The following TTC8 variants were observed in gnomAD, a reference collection of about 807,000 sequenced individuals.
The protein encoded by TTC8 is tetratricopeptide repeat protein 8.
TTC8 carries 47 observed loss-of-function variants against 72.5 expected under a neutral mutation model. The ratio of observed to expected loss-of-function variants is 0.65; its 90% CI spans 0.51 to 0.83. The LOEUF (loss-of-function observed/expected upper bound fraction) is 0.83, where lower values mean the gene tolerates loss of function less well. Among genes scored for constraint, TTC8 ranks in the 40% least tolerant of loss-of-function variants. The probability of loss-of-function intolerance (pLI) is 0.00; values close to 1 mark genes in which losing one functional copy is unlikely to be tolerated. For missense variants in TTC8, 611 were observed against 623.2 expected, an observed-to-expected ratio of 0.98 and a Z score of 0.21; for synonymous variants, 199 against 221.4, an observed-to-expected ratio of 0.90 and a Z score of 0.90.
chr14:88,841,405 C>G lies in TTC8; in HGVS notation c.490-20C>G, dbSNP rs1359225359. 6.2e-7 allele frequency: 1 copy of G among 1,610,792 alleles called. No homozygotes were observed. Among genetic ancestry groups the G allele is most frequent in the Non-Finnish European group, 8.5e-7 (1 of 1,177,300 alleles). On this transcript the variant is annotated intron_variant, in intron 5 of 14. Transcript: ENST00000380656. ...AAGAGAAAGTTTCAGATCTCTTGGT[C>G]TATTGTTTTTCCTCTGTAGGCTTCC...
At chr14:88,848,734 A>C (rs1349887604) in intron 7 of TTC8, among the ~76,000 whole-genome samples, 1 of 152,188 alleles carries the variant, frequency 6.6e-6, no homozygotes, top group Non-Finnish European at 1.5e-5. Context: ...ATAACTCTAA[A>C]AATATGCATT....
intron 1 of TTC8, among the ~76,000 whole-genome samples, chr14:88,828,050 G>A (rs1385657289): frequency 6.6e-6 from 1 of 152,162 alleles, no homozygotes; most frequent in Non-Finnish European, 1.5e-5. Context: ...GAAGGTCGTC[G>A]TAGTTGCTTG....
chr14:88,863,740 A>G (rs1030634112), intron 10 of TTC8, among the ~76,000 whole-genome samples: 1 of 152,242 alleles, frequency 6.6e-6, no homozygotes, highest in Non-Finnish European at 1.5e-5. Flanking sequence ...ATTCCTACGT[A>G]TAAGTATGAA....
intron 2 of TTC8, chr14:88,834,028 G>A: frequency 2.5e-6 from 1 of 398,408 alleles, no homozygotes; most frequent in South Asian, 2.6e-5. Context: ...GGGAACCAAG[G>A]GCTTAGAAAG....
intron 2 of TTC8, 62 bp from the exon 3 acceptor site, chr14:88,839,390 A>G (rs1330608176): frequency 2.6e-6 from 4 of 1,547,496 alleles, no homozygotes; most frequent in South Asian, 2.3e-5. Flanking sequence ...GGCTATTTCT[A>G]TAAGCTGTGT....
intron 8 of TTC8, among the ~76,000 whole-genome samples, chr14:88,855,357 G>A (rs550914513): frequency 6.6e-6 from 1 of 152,310 alleles, no homozygotes; most frequent in African/African-American, 2.4e-5. Context: ...AAGTTGGAGA[G>A]AAAAAGTTGG....
At chr14:88,854,966 C>T (rs1335746570) in intron 8 of TTC8, among the ~76,000 whole-genome samples, 1 of 152,186 alleles carries the variant, frequency 6.6e-6, no homozygotes, top group Non-Finnish European at 1.5e-5. Context: ...GGATTATAGG[C>T]ATTAGCCATT....
rs752150164 is a variant in TTC8 at position 88,877,275 on chromosome 14, ATTC to A, written c.1432-16_1432-14del. 1.3e-6 allele frequency: 2 copies of A among 1,593,110 alleles called. No homozygotes were observed. Among genetic ancestry groups the A allele is most frequent in the Admixed American group, 1.7e-5 (1 of 59,842 alleles). ...TTTTCTGATCTCATTCCATGGTCTT[ATTC>A]TTGTATTTTTTGCAGATTGGAGATC... On this transcript the variant is annotated splice_polypyrimidine_tract_variant and intron_variant, in intron 14 of 14. Coordinates refer to ENST00000380656, the MANE Select transcript of TTC8 (RefSeq NM_144596.4).
chr14:88,865,569 G>T (rs1017678699), intron 10 of TTC8, among the ~76,000 whole-genome samples: 2 of 152,186 alleles, frequency 1.3e-5, no homozygotes, highest in Non-Finnish European at 2.9e-5. Context: ...TCAGGAGGCT[G>T]AGGCAGGAGA....
chr14:88,872,218 AT>A, intron 12 of TTC8, 111 bp from the exon 13 acceptor site: 4 of 1,456,548 alleles, frequency 2.7e-6, no homozygotes, highest in Non-Finnish European at 3.8e-6. Flanking sequence ...GACTTCTATA[AT>A]TGTATGGTAC....
chr14:88,867,315 T>C (rs1303545538), intron 10 of TTC8, among the ~76,000 whole-genome samples: 2 of 152,166 alleles, frequency 1.3e-5, no homozygotes, highest in Non-Finnish European at 2.9e-5. Flanking sequence ...TAAATTATGG[T>C]CTCTGTATTG....
In TTC8 at chr14:88,853,025, T is replaced by G. The variant is rs1413582706; in HGVS notation, c.679T>G (p.Trp227Gly). 1.2e-6 allele frequency: 2 copies of G among 1,613,498 alleles called. No homozygotes were observed. The highest frequency in any genetic ancestry group is 3.3e-5 in the Admixed American group (2 of 59,976). ...TEHSQYKDWW[W>G]KVQIGKCYYR... is the part of the protein sequence containing the mutation. ...ACATTCTCAGTACAAGGACTGGTGG[T>G]GGAAAGTACAGATTGGAAAATGTTA... is the stretch of plus-strand genomic sequence containing the variant. The change falls in exon 8 of 15, where the codon TGG (tryptophan) becomes GGG (glycine). Residue 227 changes from tryptophan (W) to glycine (G), a missense_variant. Coordinates refer to ENST00000380656, the MANE Select transcript of TTC8 (RefSeq NM_144596.4).
At chr14:88,859,421 A>C (rs2094873143) in intron 9 of TTC8, among the ~76,000 whole-genome samples, 1 of 152,170 alleles carries the variant, frequency 6.6e-6, no homozygotes, top group African/African-American at 2.4e-5. Context: ...CAGGAACAGA[A>C]AACCACATAC....
In TTC8 at chr14:88,877,307, A is replaced by C; in HGVS notation, c.1445A>C (p.Gln482Pro). The change falls in exon 15 of 15, where the codon CAG (glutamine) becomes CCG (proline). Residue 482 changes from glutamine (Q) to proline (P), a missense_variant. Coordinates refer to ENST00000380656, the MANE Select transcript of TTC8 (RefSeq NM_144596.4). Reference sequence around the variant, plus strand: ...TATTTTTTGCAGATTGGAGATCTGCAGAGAAGCTATGTTGCTGCGCAGAAG... The same window carrying C: ...TATTTTTTGCAGATTGGAGATCTGCCGAGAAGCTATGTTGCTGCGCAGAAG... The part of the protein sequence containing the change: ...ATISDKIGDL[Q>P]RSYVAAQKSE... 6.2e-7 allele frequency: 1 copy of C among 1,613,540 alleles called. No individual in the cohort carries two copies. The highest frequency in any genetic ancestry group is 8.5e-7 in the Non-Finnish European group (1 of 1,179,666).
intron 7 of TTC8, among the ~76,000 whole-genome samples, chr14:88,851,228 G>GA (rs903398998): frequency 2.0e-5 from 3 of 151,908 alleles, no homozygotes; most frequent in Admixed American, 1.3e-4. Context: ...TGGGGCAAGA[G>GA]AAAAAAAGGT....
chr14:88,850,703 A>C (rs2094829457), intron 7 of TTC8, among the ~76,000 whole-genome samples: 1 of 152,202 alleles, frequency 6.6e-6, no homozygotes, highest in Non-Finnish European at 1.5e-5. Flanking sequence ...GAAAGGAAAG[A>C]AATTGTCACA....
chr14:88,852,871 T>C, intron 7 of TTC8, 100 bp from the exon 8 acceptor site: 1 of 1,042,012 alleles, frequency 9.6e-7, no homozygotes, highest in Non-Finnish European at 1.5e-6. Context: ...TAATGCACAT[T>C]TTGATTGGTG....
At chr14:88,847,831 A>C (rs980636909) in intron 7 of TTC8, among the ~76,000 whole-genome samples, 2 of 152,174 alleles carry the variant, frequency 1.3e-5, no homozygotes, top group African/African-American at 2.4e-5. Context: ...TGTATAAAAA[A>C]GCTGATCTTG....
rs1164321723 is a variant in TTC8 at position 88,857,256 on chromosome 14, T to C, written c.777T>C (p.Asp259=). 1 of 1,613,768 alleles carries C rather than the reference T, an allele frequency of 6.2e-7. No homozygotes were observed. Among genetic ancestry groups the C allele is most frequent in the Admixed American group, 1.7e-5 (1 of 60,006 alleles). The part of the protein sequence containing the change: ...KSALKQQEMV[D]TFLYLAKVYV... ...CCCTGAAGCAGCAGGAAATGGTAGATACATTTCTGTACTTGGCAAAAGTAA... is the reference window on the plus strand; with the variant it reads ...CCCTGAAGCAGCAGGAAATGGTAGACACATTTCTGTACTTGGCAAAAGTAA... Residue 259 remains aspartate (D), a synonymous_variant, in exon 9 of 15, where the codon GAT becomes GAC. Transcript: ENST00000380656.
Sources: allele counts gnomAD v4.1 joint callset (sites outside exome capture counted in the v4.1 genomes callset), GRCh38; gene constraint gnomAD v4.1.1; transcripts MANE v1.5; gene names NCBI Gene and HGNC (gene_info 2026-07-23, HGNC 2026-07-21).